Variants in ZBTB20 observed in about 807,000 individuals in gnomAD.
The protein encoded by ZBTB20 is zinc finger and BTB domain containing 20, also known as zinc finger and BTB domain-containing protein 20.
Under a neutral mutation model 56.9 loss-of-function variants are expected in ZBTB20, and 9 were observed. The ratio of observed to expected loss-of-function variants is 0.16; its 90% CI spans 0.10 to 0.28. The LOEUF (loss-of-function observed/expected upper bound fraction) is 0.28. Among genes scored for constraint, ZBTB20 ranks in the 10% least tolerant of loss-of-function variants. The probability of loss-of-function intolerance (pLI) is 1.00; values close to 1 mark genes in which losing one functional copy is unlikely to be tolerated. For missense variants in ZBTB20, 655 were observed against 1,003.0 expected (o/e 0.65, Z 4.69); for synonymous variants, 417 against 420.7 (o/e 0.99, Z 0.11).
At chr3:114,781,566 A>C (rs935413460) in intron 5 of ZBTB20, among the ~76,000 whole-genome samples, 1 of 152,204 alleles carries the variant, frequency 6.6e-6, no homozygotes, top group African/African-American at 2.4e-5. Flanking sequence ...TGTTTGAGAC[A>C]GATATTCTCA....
At chr3:114,509,475 C>T (rs893649383) in intron 6 of ZBTB20, among the ~76,000 whole-genome samples, 6 of 149,232 alleles carry the variant, frequency 4.0e-5, no homozygotes, top group Non-Finnish European at 6.0e-5. Context: ...CTAGATGCTT[C>T]GAGTTTTCCA....
chr3:114,488,059 C>T (rs1356435358), intron 7 of ZBTB20, among the ~76,000 whole-genome samples: 1 of 152,198 alleles, frequency 6.6e-6, no homozygotes, highest in Non-Finnish European at 1.5e-5. Flanking sequence ...GTGAGTGAGC[C>T]TGGCCCTTTG....
intron 5 of ZBTB20, among the ~76,000 whole-genome samples, chr3:114,786,847 T>C (rs1190221668): frequency 6.6e-6 from 1 of 152,138 alleles, no homozygotes; most frequent in Non-Finnish European, 1.5e-5. Context: ...CCAGTGGGAA[T>C]GCAAAACTGG....
At chr3:115,079,849 T>C (rs1409755341) in intron 1 of ZBTB20, among the ~76,000 whole-genome samples, 6 of 152,224 alleles carry the variant, frequency 3.9e-5, no homozygotes, top group African/African-American at 1.4e-4. Context: ...AAGTGACATA[T>C]TGCATTACAT....
At chr3:114,890,994 G>C (rs2076786473) in intron 4 of ZBTB20, among the ~76,000 whole-genome samples, 1 of 151,968 alleles carries the variant, frequency 6.6e-6, no homozygotes, top group East Asian at 1.9e-4. Context: ...TTTTTTTCAA[G>C]GCCCAGCTTA....
intron 2 of ZBTB20, among the ~76,000 whole-genome samples, chr3:115,037,639 G>A (rs993729899): frequency 6.6e-6 from 1 of 152,078 alleles, no homozygotes; most frequent in African/African-American, 2.4e-5. Flanking sequence ...GGACATAGTT[G>A]GTGATTTAAA....
intron 3 of ZBTB20, among the ~76,000 whole-genome samples, chr3:114,956,021 G>T (rs2077234681): frequency 6.6e-6 from 1 of 152,120 alleles, no homozygotes; most frequent in South Asian, 2.1e-4. Context: ...CATATATCAT[G>T]CTAAAGATTT....
chr3:115,073,330 T>C (rs1272999057), intron 1 of ZBTB20, among the ~76,000 whole-genome samples: 1 of 152,228 alleles, frequency 6.6e-6, no homozygotes, highest in Non-Finnish European at 1.5e-5. Flanking sequence ...AAGTTCTTGT[T>C]AAAAGTGTTT....
At chr3:114,801,387 A>G (rs659278) in intron 4 of ZBTB20, among the ~76,000 whole-genome samples, 1 of 149,756 alleles carries the variant, frequency 6.7e-6, no homozygotes, top group Non-Finnish European at 1.5e-5. Context: ...TGAAAAGAAA[A>G]GGATCTAAAG....
chr3:114,803,189 C>A (rs951424065), intron 4 of ZBTB20, among the ~76,000 whole-genome samples: 2 of 149,110 alleles, frequency 1.3e-5, no homozygotes, highest in East Asian at 3.9e-4. Flanking sequence ...CATCTTGTAT[C>A]CTGTTGAGGG....
intron 6 of ZBTB20, among the ~76,000 whole-genome samples, chr3:114,524,410 C>T (rs546135418): frequency 3.9e-5 from 6 of 152,074 alleles, no homozygotes; most frequent in Non-Finnish European, 7.4e-5. Context: ...TTAGAGGGAG[C>T]GTGTATTTAC....
intron 11 of ZBTB20, among the ~76,000 whole-genome samples, chr3:114,343,143 GA>G (rs532287052): frequency 0.022 from 2,414 of 108,980 alleles, 33 homozygotes; most frequent in Non-Finnish European, 0.025. Context: ...ACTGAAAAGT[GA>G]AAAAAAAAAA....
At chr3:114,906,045 T>C (rs866722395) in intron 3 of ZBTB20, among the ~76,000 whole-genome samples, 10 of 151,840 alleles carry the variant, frequency 6.6e-5, no homozygotes, top group South Asian at 2.1e-4. Context: ...TATTGGCTTA[T>C]GTGTTTATTA....
At chr3:114,701,471 T>C (rs1021541361) in intron 5 of ZBTB20, among the ~76,000 whole-genome samples, 5 of 152,102 alleles carry the variant, frequency 3.3e-5, no homozygotes, top group African/African-American at 1.2e-4. Flanking sequence ...TATATTAAAA[T>C]TAACAGGCCA....
At chr3:115,096,859 T>C (rs2083398375) in intron 1 of ZBTB20, among the ~76,000 whole-genome samples, 2 of 152,216 alleles carry the variant, frequency 1.3e-5, no homozygotes, top group Non-Finnish European at 2.9e-5. Flanking sequence ...AATTTGTTAA[T>C]TAGCACAAGG....
At chr3:114,933,713 A>G (rs764080022) in intron 3 of ZBTB20, among the ~76,000 whole-genome samples, 2 of 152,222 alleles carry the variant, frequency 1.3e-5, no homozygotes, top group Admixed American at 1.3e-4. Context: ...ACACTCACAG[A>G]TTATAACCAC....
chr3:114,824,031 A>T (rs2073391079), intron 4 of ZBTB20, among the ~76,000 whole-genome samples: 2 of 152,044 alleles, frequency 1.3e-5, no homozygotes, highest in Admixed American at 1.3e-4. Flanking sequence ...TTTGAGTGCC[A>T]GGGACATTTT....
rs1410003198 is a variant in ZBTB20 at position 114,916,076 on chromosome 3, TG to T, written c.-455-15735del. Among the ~76,000 whole-genome samples the T allele has an allele frequency of 7.2e-5, 11 of 152,278 alleles. 1 individual carries two copies. Among genetic ancestry groups the T allele is most frequent in the Middle Eastern group, 3.4e-3 (1 of 294 alleles). On this transcript the variant is annotated intron_variant, in intron 3 of 11. Coordinates refer to ENST00000675478, the MANE Select transcript of ZBTB20 (RefSeq NM_001348800.3). ...ATATGTATTAGGTTCATTCAGTCTA[TG>T]GTGCAGATTAAGTCCAATGTTTCTT...
intron 7 of ZBTB20, among the ~76,000 whole-genome samples, chr3:114,467,290 T>A (rs1388484930): frequency 6.6e-6 from 1 of 152,178 alleles, no homozygotes; most frequent in Non-Finnish European, 1.5e-5. Flanking sequence ...GTTGAAGCTA[T>A]GTGGATTTCA....
Sources: allele counts gnomAD v4.1 joint callset (sites outside exome capture counted in the v4.1 genomes callset), GRCh38; gene constraint gnomAD v4.1.1; transcripts MANE v1.5; gene names NCBI Gene and HGNC (gene_info 2026-07-23, HGNC 2026-07-21).